ARMC1: variants seen among roughly 807,000 people sequenced by gnomAD.
ARMC1 encodes armadillo repeat containing 1, also known as armadillo repeat-containing protein 1.
In ARMC1, 16 loss-of-function variants were observed where a neutral mutation model predicts 31.4. That is an observed-to-expected ratio of 0.51 (90% confidence interval 0.34 to 0.77). The LOEUF (loss-of-function observed/expected upper bound fraction) is 0.77, where lower values mean the gene tolerates loss of function less well. Among genes scored for constraint, ARMC1 ranks in the 30% least tolerant of loss-of-function variants. The pLI, the probability that ARMC1 is intolerant of heterozygous loss-of-function variation, is 0.01. For synonymous variants in ARMC1, 114 were observed against 118.9 expected (o/e 0.96, Z 0.27); for missense variants, 259 against 347.5 (o/e 0.75, Z 2.02).
chr8:65,622,531 T>C (rs1808415993), intron 2 of ARMC1, among the ~76,000 whole-genome samples, 177 bp from the exon 3 acceptor site: 1 of 152,244 alleles, frequency 6.6e-6, no homozygotes, highest in African/African-American at 2.4e-5. Flanking sequence ...TCCTTTGAGC[T>C]GTAGTAGCTG....
At chr8:65,605,969 A>G (rs1563411264) in intron 4 of ARMC1, among the ~76,000 whole-genome samples, 2 of 152,198 alleles carry the variant, frequency 1.3e-5, no homozygotes, top group Non-Finnish European at 2.9e-5. Context: ...ACTTGTTAAC[A>G]TATTATCTGA....
At chr8:65,613,859 C>T (rs1347152249) in intron 3 of ARMC1, among the ~76,000 whole-genome samples, 3 of 151,142 alleles carry the variant, frequency 2.0e-5, no homozygotes, top group African/African-American at 7.3e-5. Context: ...ACTCAGGAGT[C>T]TGAGAGAGGA....
Position 65,616,406 on chromosome 8 carries a change from A to T in ARMC1, c.276-2973T>A, listed in dbSNP as rs1472980791. On this transcript the variant is annotated intron_variant, in intron 3 of 6. Coordinates refer to ENST00000276569, the MANE Select transcript of ARMC1 (RefSeq NM_018120.6). ...AGCCTCGGCCTCCCGAGGTGCCGGG[A>T]TGGCAGACGGAGTCTGGTTCACTCA... Among the ~76,000 whole-genome samples, 4 of 152,208 alleles carry T rather than the reference A, an allele frequency of 2.6e-5. No homozygotes were observed. In the East Asian group the frequency reaches 7.7e-4, roughly 29 times the overall value.
intron 6 of ARMC1, 103 bp downstream of exon 6, chr8:65,605,160 T>C (rs749339929): frequency 5.2e-5 from 49 of 935,182 alleles, no homozygotes; most frequent in Non-Finnish European, 7.7e-5. Context: ...CAGCACATCC[T>C]TACATACTTG....
intron 3 of ARMC1, among the ~76,000 whole-genome samples, chr8:65,620,447 G>A (rs962357766): frequency 6.6e-6 from 1 of 151,284 alleles, no homozygotes; most frequent in African/African-American, 2.4e-5. Context: ...GATTACAGGT[G>A]CCCGCCACCT....
intron 4 of ARMC1, among the ~76,000 whole-genome samples, chr8:65,607,454 C>G (rs181122685): frequency 6.6e-6 from 1 of 152,284 alleles, no homozygotes; most frequent in East Asian, 1.9e-4. Flanking sequence ...TACTAAATGC[C>G]AACCACATGC....
At chr8:65,631,282 T>A (rs1283993478) in intron 1 of ARMC1, among the ~76,000 whole-genome samples, 7 of 152,236 alleles carry the variant, frequency 4.6e-5, no homozygotes, top group Non-Finnish European at 1.5e-5. Context: ...TCACCCAGGC[T>A]GGAGTGGCGT....
In ARMC1 at chr8:65,611,444, C is replaced by T. The variant is rs186131258; in HGVS notation, c.465+1800G>A. ...GATCTTTCTTGTTTCTTCTCTTCTGCTTGTTGTGGCTTTAATTTGTTCTTC... is the reference window on the plus strand; with the variant it reads ...GATCTTTCTTGTTTCTTCTCTTCTGTTTGTTGTGGCTTTAATTTGTTCTTC... On this transcript the variant is annotated intron_variant, in intron 4 of 6. Transcript: ENST00000276569. Among the ~76,000 whole-genome samples, 538 of 151,358 alleles carry T rather than the reference C, an allele frequency of 3.6e-3. 2 individuals are homozygous for T. Among genetic ancestry groups the T allele is most frequent in the African/African-American group, 0.012 (491 of 41,342 alleles).
chr8:65,631,790 T>C (rs1344701570), intron 1 of ARMC1, among the ~76,000 whole-genome samples: 1 of 152,052 alleles, frequency 6.6e-6, no homozygotes, highest in Non-Finnish European at 1.5e-5. Context: ...GGAGACTGGT[T>C]GAGGCCAGAG....
At chr8:65,617,095 C>T (rs747109053) in intron 3 of ARMC1, among the ~76,000 whole-genome samples, 3 of 152,222 alleles carry the variant, frequency 2.0e-5, no homozygotes, top group Admixed American at 6.5e-5. Flanking sequence ...AGCCCCTCTG[C>T]CCGGCGGCCA....
chr8:65,616,096 CAT>C (rs1808245461), intron 3 of ARMC1, among the ~76,000 whole-genome samples: 1 of 152,130 alleles, frequency 6.6e-6, no homozygotes, highest in African/African-American at 2.4e-5. Flanking sequence ...AATACTAAAA[CAT>C]AAATTATCTT....
At chr8:65,607,436 G>A (rs985315689) in intron 4 of ARMC1, among the ~76,000 whole-genome samples, 4 of 152,370 alleles carry the variant, frequency 2.6e-5, no homozygotes, top group African/African-American at 9.6e-5. Flanking sequence ...ACCACAGGTA[G>A]AGTCTGGTAC....
intron 3 of ARMC1, among the ~76,000 whole-genome samples, chr8:65,619,559 T>C (rs1808347761): frequency 6.6e-6 from 1 of 151,126 alleles, no homozygotes; most frequent in Non-Finnish European, 1.5e-5. Context: ...AAAGAAATTT[T>C]CGAGCAGCTG....
intron 4 of ARMC1, among the ~76,000 whole-genome samples, chr8:65,610,595 T>A (rs1236101331): frequency 6.6e-6 from 1 of 151,672 alleles, no homozygotes; most frequent in Non-Finnish European, 1.5e-5. Flanking sequence ...CTTGGGAGGC[T>A]GAGGCAGGAG....
chr8:65,611,275 CCT>C (rs1045861671), intron 4 of ARMC1, among the ~76,000 whole-genome samples: 3 of 152,068 alleles, frequency 2.0e-5, no homozygotes, highest in African/African-American at 7.2e-5. Context: ...ATAGTGGTAT[CCT>C]CTCTCATTTC....
At chr8:65,628,323 C>G (rs1379085836) in intron 1 of ARMC1, among the ~76,000 whole-genome samples, 1 of 151,692 alleles carries the variant, frequency 6.6e-6, no homozygotes, top group Non-Finnish European at 1.5e-5. Flanking sequence ...ACAACCTCAG[C>G]TCACTACAAC....
In ARMC1 at chr8:65,610,108, T is replaced by G. The variant is rs547650817; in HGVS notation, c.465+3136A>C. ...AAATATAGACAAAATTAAAATTTTT[T>G]TGTGTGTGTGACGGGATCTCGCCCT... On this transcript the variant is annotated intron_variant, in intron 4 of 6. Coordinates refer to ENST00000276569, the MANE Select transcript of ARMC1 (RefSeq NM_018120.6). Among the ~76,000 whole-genome samples, 8 of 151,706 alleles carry G rather than the reference T, an allele frequency of 5.3e-5. No individual in the cohort carries two copies. In the South Asian group the frequency reaches 6.3e-4, roughly 12 times the overall value.
intron 2 of ARMC1, among the ~76,000 whole-genome samples, chr8:65,624,916 T>A (rs1406270509): frequency 6.6e-6 from 1 of 152,084 alleles, no homozygotes; most frequent in African/African-American, 2.4e-5. Context: ...AGGTCATGAG[T>A]TCGAGACTAG....
At chr8:65,628,338 G>A (rs1442685569) in intron 1 of ARMC1, among the ~76,000 whole-genome samples, 2 of 146,850 alleles carry the variant, frequency 1.4e-5, no homozygotes, top group Admixed American at 6.8e-5. Flanking sequence ...TACAACCTCC[G>A]CCTCCCGGTT....
Sources: allele counts gnomAD v4.1 joint callset (sites outside exome capture counted in the v4.1 genomes callset), GRCh38; gene constraint gnomAD v4.1.1; transcripts MANE v1.5; gene names NCBI Gene and HGNC (gene_info 2026-07-23, HGNC 2026-07-21).